The following PLXNA4 variants were observed in gnomAD, a reference collection of about 807,000 sequenced individuals.
PLXNA4 encodes plexin-A4.
A neutral mutation model predicts 191.8 loss-of-function variants in PLXNA4; 44 were observed. That is an observed-to-expected ratio of 0.23 (90% CI 0.18 to 0.29). The LOEUF (loss-of-function observed/expected upper bound fraction) is 0.29. PLXNA4 is among the 10% of genes least tolerant of loss of function. The pLI is 1.00. For missense variants in PLXNA4, 1,800 were observed against 2,488.8 expected (o/e 0.72, Z 5.89); for synonymous variants, 1,082 against 1,009.5 (o/e 1.07, Z -1.36).
At chr7:132,573,817 A>G (rs1259651503) in intron 1 of PLXNA4, among the ~76,000 whole-genome samples, 2 of 152,186 alleles carry the variant, frequency 1.3e-5, no homozygotes, top group African/African-American at 4.8e-5. Flanking sequence ...TAGTGCTCAC[A>G]GGAGAGCTGC....
At chr7:132,496,487 C>T (rs1302531853) in intron 2 of PLXNA4, among the ~76,000 whole-genome samples, 1 of 152,094 alleles carries the variant, frequency 6.6e-6, no homozygotes, top group Non-Finnish European at 1.5e-5. Flanking sequence ...CTGCAACCTC[C>T]ACCCGCCAGG....
intron 31 of PLXNA4, among the ~76,000 whole-genome samples, chr7:132,132,497 T>A (rs55657106): frequency 0.56 from 62,594 of 111,056 alleles, 20,236 homozygotes; most frequent in Admixed American, 0.66. Context: ...GCTCTATTCT[T>A]TTCTATTCTA....
At chr7:132,367,675 A>C (rs1804245849) in intron 3 of PLXNA4, 2 of 152,288 alleles carry the variant, frequency 1.3e-5, no homozygotes, top group South Asian at 4.1e-4. Context: ...GGTCCAGAGG[A>C]AGGACACATC....
intron 1 of PLXNA4, among the ~76,000 whole-genome samples, chr7:132,531,584 A>G (rs140241109): frequency 8.3e-4 from 127 of 152,326 alleles, no homozygotes; most frequent in African/African-American, 2.9e-3. Context: ...TCCAGACCTA[A>G]GGAAGCTGTG....
At chr7:132,340,292 A>C (rs1802977256) in intron 3 of PLXNA4, among the ~76,000 whole-genome samples, 1 of 152,238 alleles carries the variant, frequency 6.6e-6, no homozygotes, top group South Asian at 2.1e-4. Flanking sequence ...GACTGGATAA[A>C]AAATCAACTT....
chr7:132,410,608 G>T (rs1225199724), intron 3 of PLXNA4, among the ~76,000 whole-genome samples: 1 of 152,196 alleles, frequency 6.6e-6, no homozygotes, highest in African/African-American at 2.4e-5. Flanking sequence ...CATAGAGGAA[G>T]GAGGGTTACC....
chr7:132,161,878 C>T (rs1413714931), intron 24 of PLXNA4, among the ~76,000 whole-genome samples: 4 of 152,190 alleles, frequency 2.6e-5, no homozygotes, highest in Non-Finnish European at 5.9e-5. Flanking sequence ...TCTAGGTAGG[C>T]ATCTTGCACT....
At chr7:132,297,916 G>GAAC (rs763721287) in intron 4 of PLXNA4, among the ~76,000 whole-genome samples, 175 bp downstream of exon 4, 1 of 152,122 alleles carries the variant, frequency 6.6e-6, no homozygotes, top group Non-Finnish European at 1.5e-5. Context: ...TCCTGTTTCA[G>GAAC]AACACCAAGC....
intron 4 of PLXNA4, among the ~76,000 whole-genome samples, chr7:132,244,869 G>A (rs1235937430): frequency 1.3e-5 from 2 of 152,308 alleles, no homozygotes; most frequent in East Asian, 3.9e-4. Flanking sequence ...TAGTATAAAT[G>A]TATTCCCTTA....
chr7:132,353,173 TAA>T (rs1198412651), intron 3 of PLXNA4, among the ~76,000 whole-genome samples: 1 of 152,216 alleles, frequency 6.6e-6, no homozygotes, highest in Non-Finnish European at 1.5e-5. Context: ...GCTATTGCAA[TAA>T]GTTTTGCATT....
intron 2 of PLXNA4, among the ~76,000 whole-genome samples, chr7:132,611,220 G>A (rs552919864): frequency 5.3e-5 from 8 of 152,258 alleles, no homozygotes; most frequent in South Asian, 4.1e-4. Flanking sequence ...TAAATATGTC[G>A]CCTCTGGACC....
At chr7:132,596,077 G>T (rs979623523) in intron 2 of PLXNA4, among the ~76,000 whole-genome samples, 5 of 151,890 alleles carry the variant, frequency 3.3e-5, no homozygotes, top group African/African-American at 7.3e-5. Flanking sequence ...CATTGTATTT[G>T]GTTGTAGTGT....
At chr7:132,161,328 T>C (rs894944861) in intron 24 of PLXNA4, among the ~76,000 whole-genome samples, 4 of 152,014 alleles carry the variant, frequency 2.6e-5, no homozygotes, top group South Asian at 2.1e-4. Flanking sequence ...AGGGCAGGAG[T>C]TGGCGTTCTA....
chr7:132,146,435 T>C lies in PLXNA4; in HGVS notation c.5055+75A>G, dbSNP rs535077106. 3 of 1,613,252 alleles carry C rather than the reference T, an allele frequency of 1.9e-6. No homozygotes were observed. The South Asian group carries it at 3.3e-5, about 18-fold the overall frequency. On this transcript the variant is annotated intron_variant, in intron 28 of 31. Coordinates refer to ENST00000321063, the MANE Select transcript of PLXNA4 (RefSeq NM_020911.2). ...CATGAATGCTGGGTACTGGCTACTCTGGCATTTCTGTGGGCTGATGAAGTC... is the reference window on the plus strand; with the variant it reads ...CATGAATGCTGGGTACTGGCTACTCCGGCATTTCTGTGGGCTGATGAAGTC...
At chr7:132,466,341 C>T (rs1186470108) in intron 3 of PLXNA4, among the ~76,000 whole-genome samples, 1 of 152,212 alleles carries the variant, frequency 6.6e-6, no homozygotes, top group Admixed American at 6.5e-5. Context: ...AGCCAGGAGT[C>T]AGGCCCTGCA....
intron 2 of PLXNA4, among the ~76,000 whole-genome samples, chr7:132,632,186 A>T (rs1803504292): frequency 7.0e-6 from 1 of 143,062 alleles, no homozygotes; most frequent in South Asian, 2.3e-4. Context: ...CAGTGAGCTG[A>T]GATTGTACCA....
At chr7:132,148,831 T>C (rs937024731) in intron 25 of PLXNA4, among the ~76,000 whole-genome samples, 185 bp from the exon 26 acceptor site, 20 of 152,198 alleles carry the variant, frequency 1.3e-4, no homozygotes, top group African/African-American at 4.6e-4. Flanking sequence ...GTTCCAGTTC[T>C]GGTTCTAAGC....
chr7:132,566,304 T>TCACA (rs139925090), intron 1 of PLXNA4, among the ~76,000 whole-genome samples: 1 of 151,530 alleles, frequency 6.6e-6, no homozygotes, highest in Admixed American at 6.6e-5. Context: ...CCTCTCTCTC[T>TCACA]CACACACACA....
At chr7:132,212,484 GCTGATGAGCT>G (rs75303241) in intron 9 of PLXNA4, among the ~76,000 whole-genome samples, 4,584 of 152,244 alleles carry the variant, frequency 0.03, 76 homozygotes, top group Middle Eastern at 0.051. Flanking sequence ...CCCGTGAGCT[GCTGATGAGCT>G]CTGGAACTCT....
Sources: gnomAD v4.1 joint callset for allele counts (sites outside exome capture counted in the v4.1 genomes callset) on GRCh38, gnomAD v4.1.1 for gene constraint, MANE v1.5 for transcripts, NCBI Gene and HGNC (gene_info 2026-07-23, HGNC 2026-07-21) for gene names.